Variants in CRHBP observed in about 807,000 individuals in gnomAD.
CRHBP encodes corticotropin-releasing hormone-binding protein.
In CRHBP, 19 loss-of-function variants were observed where a neutral mutation model predicts 34.9. The ratio of observed to expected loss-of-function variants is 0.55; its 90% CI spans 0.38 to 0.80. The LOEUF is 0.80. CRHBP is among the 30% of genes least tolerant of loss of function. The pLI is 0.00. For synonymous variants in CRHBP, 154 were observed against 153.4 expected (o/e 1.00, Z -0.03); for missense variants, 328 against 409.2 (o/e 0.80, Z 1.71).
intron 6 of CRHBP, among the ~76,000 whole-genome samples, chr5:76,964,604 A>G (rs1745831972): frequency 6.6e-6 from 1 of 152,244 alleles, no homozygotes; most frequent in South Asian, 2.1e-4. Context: ...CTGTAATCAC[A>G]GCACTTTGGG....
chr5:76,958,480 TAA>T (rs1745725040), intron 4 of CRHBP, among the ~76,000 whole-genome samples: 1 of 152,158 alleles, frequency 6.6e-6, no homozygotes, highest in Non-Finnish European at 1.5e-5. Context: ...GTGATTGTTA[TAA>T]ACAAGGTAAC....
chr5:76,980,766 A>G (rs1322431678), intron 3 of CRHBP, among the ~76,000 whole-genome samples: 1 of 152,224 alleles, frequency 6.6e-6, no homozygotes, highest in East Asian at 1.9e-4. Context: ...CAAGGGAAGG[A>G]GAACATCTGA....
At chr5:76,979,278 C>T (rs1409788326) in intron 3 of CRHBP, among the ~76,000 whole-genome samples, 1 of 152,054 alleles carries the variant, frequency 6.6e-6, no homozygotes, top group Non-Finnish European at 1.5e-5. Context: ...CTCAGGTGGT[C>T]CTGCCACCTC....
intron 1 of CRHBP, 62 bp from the exon 2 acceptor site, chr5:76,953,539 C>G (rs1745607007): frequency 6.6e-7 from 1 of 1,505,026 alleles, no homozygotes; most frequent in Non-Finnish European, 9.1e-7. Flanking sequence ...TGCCCCGCTC[C>G]TGGTCCCCTT....
chr5:76,961,276 T>C (rs953932350), intron 5 of CRHBP, among the ~76,000 whole-genome samples: 1 of 152,198 alleles, frequency 6.6e-6, no homozygotes, highest in African/African-American at 2.4e-5. Context: ...CTTAACTTTC[T>C]TGTTTCTTTG....
rs79687156 is a variant in CRHBP, at chr5:76,978,144, T to C, written n.467+1624T>C. On this transcript the variant is annotated intron_variant and non_coding_transcript_variant, in intron 3 of 3. Transcript: ENST00000514258. ...GTTTAAGGAAAGAAGCCATCTCCAT[T>C]AAAAAAAAGGTGCAAGATGAAGCAG... Among the ~76,000 whole-genome samples the C allele has an allele frequency of 3.0e-3, 459 of 151,764 alleles. 2 individuals carry two copies. Among genetic ancestry groups the C allele is most frequent in the South Asian group, 0.01 (50 of 4,812 alleles).
At chr5:76,967,817 G>A (rs1191756973) in intron 6 of CRHBP, among the ~76,000 whole-genome samples, 1 of 151,698 alleles carries the variant, frequency 6.6e-6, no homozygotes, top group African/African-American at 2.4e-5. Flanking sequence ...TTCTGCCTCA[G>A]CCTCCCGAGT....
At chr5:76,968,308 C>A (rs888361346) in intron 6 of CRHBP, among the ~76,000 whole-genome samples, 2 of 151,642 alleles carry the variant, frequency 1.3e-5, no homozygotes, top group African/African-American at 4.8e-5. Flanking sequence ...CCAAAAACTG[C>A]CACTGCAAAT....
chr5:76,966,494 G>A (rs955467342), intron 6 of CRHBP, among the ~76,000 whole-genome samples: 2 of 152,188 alleles, frequency 1.3e-5, no homozygotes, highest in African/African-American at 4.8e-5. Context: ...AGGGAGACTA[G>A]CCTTTGATCC....
chr5:76,978,742 A>C (rs534715953), intron 3 of CRHBP, among the ~76,000 whole-genome samples: 50 of 152,364 alleles, frequency 3.3e-4, no homozygotes, highest in African/African-American at 1.2e-3. Context: ...CGGTTTCTTG[A>C]GATGGAATCT....
intron 5 of CRHBP, 111 bp from the exon 6 acceptor site, chr5:76,963,232 G>C (rs1249099671): frequency 2.5e-5 from 19 of 756,820 alleles, no homozygotes; most frequent in Non-Finnish European, 4.2e-5. Context: ...AAATGGTATT[G>C]CCAGGATGTT....
intron 6 of CRHBP, among the ~76,000 whole-genome samples, chr5:76,967,979 G>T (rs1338383583): frequency 6.6e-6 from 1 of 152,094 alleles, no homozygotes; most frequent in Non-Finnish European, 1.5e-5. Context: ...TTACAGGCAT[G>T]AGCCACCGTG....
intron 2 of CRHBP, among the ~76,000 whole-genome samples, chr5:76,974,650 A>T (rs1745998376): frequency 6.6e-6 from 1 of 152,176 alleles, no homozygotes; most frequent in Non-Finnish European, 1.5e-5. Flanking sequence ...ATACACTTTT[A>T]TCTGTGCAGT....
At chr5:76,959,021 A>C in intron 5 of CRHBP, 132 bp downstream of exon 5, 259 of 881,856 alleles carry the variant, frequency 2.9e-4, no homozygotes, top group Non-Finnish European at 3.7e-4. Context: ...CTTAAATCTC[A>C]AATGTGTTTG....
At chr5:76,955,215 G>A (rs949152278) in intron 3 of CRHBP, among the ~76,000 whole-genome samples, 1 of 152,260 alleles carries the variant, frequency 6.6e-6, no homozygotes, top group South Asian at 2.1e-4. Context: ...TGCTGCTCCA[G>A]TTTTTTCTTT....
chr5:76,966,162 G>A (rs944556291), intron 6 of CRHBP, among the ~76,000 whole-genome samples: 12 of 152,162 alleles, frequency 7.9e-5, no homozygotes, highest in African/African-American at 2.7e-4. Context: ...GGGATTACAG[G>A]CATGTGCCAC....
intron 4 of CRHBP, among the ~76,000 whole-genome samples, chr5:76,956,604 G>A (rs1745672571): frequency 6.6e-6 from 1 of 152,104 alleles, no homozygotes; most frequent in Non-Finnish European, 1.5e-5. Context: ...GCGTGGTGGT[G>A]GGCGCCTGTA....
At chr5:76,956,581 A>G (rs556356746) in intron 4 of CRHBP, among the ~76,000 whole-genome samples, 2 of 152,204 alleles carry the variant, frequency 1.3e-5, no homozygotes, top group South Asian at 4.1e-4. Flanking sequence ...TAAAAATGCA[A>G]AAAATTAGCT....
intron 3 of CRHBP, among the ~76,000 whole-genome samples, chr5:76,978,691 T>G (rs1310176431): frequency 1.3e-5 from 2 of 152,172 alleles, no homozygotes; most frequent in Admixed American, 6.5e-5. Context: ...AATAAAACTT[T>G]AAGGGATGAG....
Sources: gnomAD v4.1 joint callset for allele counts (sites outside exome capture counted in the v4.1 genomes callset) on GRCh38, gnomAD v4.1.1 for gene constraint, MANE v1.5 for transcripts, NCBI Gene and HGNC (gene_info 2026-07-23, HGNC 2026-07-21) for gene names.